SCN11A: variants seen among roughly 807,000 people sequenced by gnomAD.
SCN11A encodes the protein sodium channel protein type 11 subunit alpha.
Under a neutral mutation model 162.2 loss-of-function variants are expected in SCN11A, and 122 were observed. The ratio of observed to expected loss-of-function variants is 0.75; its 90% CI spans 0.65 to 0.87. The LOEUF (loss-of-function observed/expected upper bound fraction) is 0.87, where lower values mean the gene tolerates loss of function less well. SCN11A is among the 40% of genes least tolerant of loss of function. SCN11A has a pLI of 0.00. For missense variants in SCN11A, 2,015 were observed against 2,181.6 expected (o/e 0.92, Z 1.52); for synonymous variants, 758 against 751.5 (o/e 1.01, Z -0.14).
chr3:38,968,520 T>C (rs962423647), intron 2 of SCN11A, among the ~76,000 whole-genome samples: 1 of 152,206 alleles, frequency 6.6e-6, no homozygotes, highest in African/African-American at 2.4e-5. Context: ...TATACAAAGG[T>C]CCAACTTTAT....
At chr3:38,912,683 G>C (rs1156714712) in intron 11 of SCN11A, among the ~76,000 whole-genome samples, 1 of 151,994 alleles carries the variant, frequency 6.6e-6, no homozygotes, top group Admixed American at 6.6e-5. Context: ...CTATGTCCGT[G>C]AGTTCTCATC....
At chr3:38,996,079 AG>A (rs2030622838) in intron 2 of SCN11A, among the ~76,000 whole-genome samples, 1 of 152,214 alleles carries the variant, frequency 6.6e-6, no homozygotes, top group Non-Finnish European at 1.5e-5. Context: ...TCTACAAGAT[AG>A]GAAGAGGGCC....
At position 38,900,086 on chromosome 3, in the gene SCN11A, A is replaced by T. The variant is rs1348771763; in HGVS notation, c.1843-13T>A. On this transcript the variant is annotated splice_polypyrimidine_tract_variant and intron_variant, in intron 16 of 29. Transcript: ENST00000302328. Reference sequence around the variant, plus strand: ...TGCTAGTGAAAACCTAGAGTGGGACAAAGAAGAATGAGAGAAGGAAGCTGC... The same window carrying T: ...TGCTAGTGAAAACCTAGAGTGGGACTAAGAAGAATGAGAGAAGGAAGCTGC... The T allele has an allele frequency of 6.2e-7, 1 of 1,610,982 alleles. No individual in the cohort carries two copies. The highest frequency in any genetic ancestry group is 1.3e-5 in the African/African-American group (1 of 74,924).
intron 9 of SCN11A, among the ~76,000 whole-genome samples, chr3:38,923,475 T>G (rs1439552421): frequency 6.6e-6 from 1 of 152,234 alleles, no homozygotes; most frequent in African/African-American, 2.4e-5. Flanking sequence ...GCTTGTAATC[T>G]GACCCCAAGG....
intron 2 of SCN11A, among the ~76,000 whole-genome samples, chr3:39,010,470 A>G (rs1045697124): frequency 4.7e-5 from 7 of 148,812 alleles, no homozygotes; most frequent in Non-Finnish European, 8.9e-5. Context: ...GCTCCGCCTC[A>G]TGGGTTCACG....
chr3:38,921,561 G>A (rs1481362697), intron 9 of SCN11A, among the ~76,000 whole-genome samples: 1 of 152,210 alleles, frequency 6.6e-6, no homozygotes, highest in African/African-American at 2.4e-5. Context: ...ACGGACTCAA[G>A]GCATAGGTTG....
intron 24 of SCN11A, among the ~76,000 whole-genome samples, 159 bp downstream of exon 24, chr3:38,872,034 A>T (rs2126096413): frequency 6.6e-6 from 1 of 152,306 alleles, no homozygotes; most frequent in South Asian, 2.1e-4. Flanking sequence ...AGTATATCTT[A>T]GGCTTTTCTC....
intron 2 of SCN11A, among the ~76,000 whole-genome samples, chr3:38,994,091 G>C (rs1272796553): frequency 1.3e-5 from 2 of 152,092 alleles, no homozygotes; most frequent in Admixed American, 1.3e-4. Flanking sequence ...TCCTGGGATC[G>C]CTCCCCAAAT....
At chr3:39,018,319 T>C (rs1341524948) in intron 2 of SCN11A, among the ~76,000 whole-genome samples, 1 of 152,204 alleles carries the variant, frequency 6.6e-6, no homozygotes, top group Non-Finnish European at 1.5e-5. Context: ...TCTTTCCTTG[T>C]TGGTTGTCTG....
rs746904312 is a variant in SCN11A, at chr3:38,950,312, G to A, written c.51C>T (p.Arg17=). ...PVIFPDERNF[R]PFTSDSLAAI... ...CAGCCAGAGAGTCGGAAGTGAAGGG[G>A]CGGAAATTCCGCTCATCTGGAAAGA... The change falls in exon 5 of 30, where the codon CGC becomes CGT. Residue 17 remains arginine, a synonymous_variant. Transcript: ENST00000302328. The A allele has an allele frequency of 6.2e-7, 1 of 1,614,006 alleles. No homozygotes were observed. Among genetic ancestry groups the A allele is most frequent in the East Asian group, 2.2e-5 (1 of 44,876 alleles).
intron 7 of SCN11A, 95 bp from the exon 8 acceptor site, chr3:38,927,026 AT>A: frequency 8.2e-7 from 1 of 1,213,566 alleles, no homozygotes; most frequent in African/African-American, 1.5e-5. Flanking sequence ...TTTTTTTTCC[AT>A]TTCAATGTGA....
At chr3:39,038,723 G>A (rs545399233) in intron 1 of SCN11A, among the ~76,000 whole-genome samples, 27 of 152,174 alleles carry the variant, frequency 1.8e-4, no homozygotes, top group African/African-American at 6.0e-4. Flanking sequence ...TACTGATTTC[G>A]TATCCACATT....
At chr3:38,964,003 A>T (rs753737833) in intron 2 of SCN11A, among the ~76,000 whole-genome samples, 8 of 151,716 alleles carry the variant, frequency 5.3e-5, no homozygotes, top group Non-Finnish European at 1.2e-4. Flanking sequence ...TTCCAAGTGT[A>T]AAGACTTAAG....
chr3:38,879,796 C>A lies in SCN11A; in HGVS notation c.3393+154G>T, dbSNP rs148876995. Reference sequence around the variant, plus strand: ...GGCTAAACTGCTTACAGACAAATGACAACTACTTACAAGTACTGTGAAGAG... The same window carrying A: ...GGCTAAACTGCTTACAGACAAATGAAAACTACTTACAAGTACTGTGAAGAG... On this transcript the variant is annotated intron_variant, in intron 23 of 29. Transcript: ENST00000302328. Among the ~76,000 whole-genome samples the A allele has an allele frequency of 9.9e-5, 15 of 152,266 alleles. No homozygotes were observed. The East Asian group carries it at 2.3e-3, about 23-fold the overall frequency.
intron 21 of SCN11A, among the ~76,000 whole-genome samples, chr3:38,884,467 A>AT (rs1390053163): frequency 1.3e-5 from 2 of 152,134 alleles, no homozygotes; most frequent in African/African-American, 2.4e-5. Flanking sequence ...CTTATAGATA[A>AT]TTTTTTTAGA....
chr3:38,973,598 G>T (rs909278474), intron 2 of SCN11A, among the ~76,000 whole-genome samples: 1 of 152,034 alleles, frequency 6.6e-6, no homozygotes, highest in African/African-American at 2.4e-5. Flanking sequence ...CTAAAATATT[G>T]GATAAAATAT....
At chr3:39,019,680 G>A (rs1478163736) in intron 2 of SCN11A, among the ~76,000 whole-genome samples, 4 of 152,108 alleles carry the variant, frequency 2.6e-5, no homozygotes, top group Non-Finnish European at 5.9e-5. Flanking sequence ...TTATTTTTAT[G>A]AATCCCTCAC....
chr3:38,863,994 C>A (rs893602301), intron 27 of SCN11A, among the ~76,000 whole-genome samples: 2 of 152,208 alleles, frequency 1.3e-5, no homozygotes, highest in East Asian at 3.9e-4. Flanking sequence ...GGTCTTAGAA[C>A]ATTTACTAAT....
chr3:39,046,418 ATT>A (rs1487420859), intron 1 of SCN11A, among the ~76,000 whole-genome samples: 1 of 152,210 alleles, frequency 6.6e-6, no homozygotes, highest in Admixed American at 6.5e-5. Context: ...CTGAATTAAT[ATT>A]GTTAAAATGA....
Sources: gnomAD v4.1 joint callset for allele counts (sites outside exome capture counted in the v4.1 genomes callset) on GRCh38, gnomAD v4.1.1 for gene constraint, MANE v1.5 for transcripts, NCBI Gene and HGNC (gene_info 2026-07-23, HGNC 2026-07-21) for gene names.